PAQR3: variants seen among roughly 807,000 people sequenced by gnomAD.
PAQR3 encodes the protein progestin and adipoQ receptor family member 3, also known as Raf kinase trapping to Golgi.
In PAQR3, 39 loss-of-function variants were observed where a neutral mutation model predicts 41.7. The ratio of observed to expected loss-of-function variants is 0.93; its 90% confidence interval spans 0.72 to 1.22. PAQR3 has a LOEUF of 1.22. PAQR3 is among the 50% of genes most tolerant of loss of function. The pLI, the probability that PAQR3 is intolerant of heterozygous loss-of-function variation, is 0.00. For missense variants in PAQR3, 366 were observed against 385.6 expected (o/e 0.95, Z 0.42); for synonymous variants, 140 against 140.6 (o/e 1.00, Z 0.03).
intron 11 of PAQR3, among the ~76,000 whole-genome samples, chr4:78,899,353 G>A (rs2110091902): frequency 6.6e-6 from 1 of 152,088 alleles, no homozygotes; most frequent in East Asian, 1.9e-4. Flanking sequence ...GAGAATATAG[G>A]GTAGGTCAAG....
chr4:78,916,194 A>AT lies in PAQR3; in HGVS notation c.*4344dup, dbSNP rs1333506441. 1 of 151,718 alleles carries AT rather than the reference A, an allele frequency of 6.6e-6. No homozygotes were observed. Among genetic ancestry groups the AT allele is most frequent in the East Asian group, 1.9e-4 (1 of 5,186 alleles). 9.4% of individuals were successfully genotyped at this position (151,718 alleles called of 1,614,324 possible). Reference sequence around the variant, plus strand: ...GCCATATCTAATTAAGCACTAACTGATTTTATTACTTTATTGCCTTTACAC... The same window carrying AT: ...GCCATATCTAATTAAGCACTAACTGATTTTTATTACTTTATTGCCTTTACAC... On this transcript the variant is annotated 3_prime_UTR_variant, in exon 6 of 6. Transcript: ENST00000512733.
intron 11 of PAQR3, among the ~76,000 whole-genome samples, chr4:78,893,738 A>C (rs1171468718): frequency 2.0e-5 from 3 of 152,192 alleles, no homozygotes; most frequent in African/African-American, 7.2e-5. Flanking sequence ...AATTCTTTAA[A>C]GTTTTCCTTA....
chr4:78,899,935 T>C (rs1733906432), intron 11 of PAQR3, among the ~76,000 whole-genome samples: 2 of 152,158 alleles, frequency 1.3e-5, no homozygotes, highest in African/African-American at 2.4e-5. Flanking sequence ...ATTTAGATTT[T>C]ATATGGGCAA....
chr4:78,931,544 C>T (rs1295795102), intron 2 of PAQR3, among the ~76,000 whole-genome samples: 2 of 152,168 alleles, frequency 1.3e-5, no homozygotes, highest in African/African-American at 4.8e-5. Flanking sequence ...TATTAAGTAC[C>T]TGCTGTATGT....
chr4:78,927,318 C>T (rs930764263), intron 3 of PAQR3, among the ~76,000 whole-genome samples: 2 of 152,300 alleles, frequency 1.3e-5, no homozygotes, highest in South Asian at 4.1e-4. Context: ...CACACTGGCA[C>T]TGGAGGAATA....
intron 11 of PAQR3, among the ~76,000 whole-genome samples, chr4:78,891,972 G>C (rs919229366): frequency 6.6e-6 from 1 of 152,160 alleles, no homozygotes; most frequent in Non-Finnish European, 1.5e-5. Context: ...CAACCTAGTT[G>C]ACCATGATTT....
At position 78,918,862 on chromosome 4, in the gene PAQR3, A is replaced by T. The variant is rs1735363508; in HGVS notation, c.*1677T>A. The T allele has an allele frequency of 1.3e-5, 13 of 984,278 alleles. No individual in the cohort carries two copies. The highest frequency in any genetic ancestry group is 1.3e-5 in the Non-Finnish European group (11 of 829,152). The allele number at this position is 984,278 out of a possible 1,614,324, so 61.0% of individuals were successfully genotyped here. Reference sequence around the variant, plus strand: ...ATAAAATCATGTAAGCCAATAAGGGATGTTCTAGGAGAAATATATCCTACT... The same window carrying T: ...ATAAAATCATGTAAGCCAATAAGGGTTGTTCTAGGAGAAATATATCCTACT... On this transcript the variant is annotated 3_prime_UTR_variant, in exon 6 of 6. Transcript: ENST00000512733.
In PAQR3 at chr4:78,926,709, G is replaced by C. The variant is rs1736272637; in HGVS notation, c.514C>G (p.Gln172Glu). The C allele has an allele frequency of 6.2e-7, 1 of 1,613,444 alleles. No homozygotes were observed. Among genetic ancestry groups the C allele is most frequent in the Non-Finnish European group, 8.5e-7 (1 of 1,179,528 alleles). Residue 172 changes from glutamine (Q) to glutamate (E), a missense_variant, in exon 4 of 6, where the codon CAG (glutamine) becomes GAG (glutamate). Transcript: ENST00000512733. Reference sequence around the variant, plus strand: ...GCAAGCACTGTGATCAAGTACACCTGACGCCAGTACTAGAATGAAAGGAAA... The same window carrying C: ...GCAAGCACTGTGATCAAGTACACCTCACGCCAGTACTAGAATGAAAGGAAA... ...YAFYCNNYWR[Q>E]VYLITVLAMI...
intron 5 of PAQR3, chr4:78,923,655 C>A: frequency 1.7e-6 from 1 of 585,190 alleles, no homozygotes; most frequent in South Asian, 2.1e-5. Context: ...GACAACACCA[C>A]CTACTGGACT....
intron 11 of PAQR3, among the ~76,000 whole-genome samples, chr4:78,896,017 C>G (rs1733682649): frequency 6.6e-6 from 1 of 152,168 alleles, no homozygotes; most frequent in Non-Finnish European, 1.5e-5. Context: ...CCTTGGCCTC[C>G]CACAATGCTG....
chr4:78,917,827 C>T lies in PAQR3; in HGVS notation c.*2712G>A. 1.0e-6 allele frequency: 1 copy of T among 985,394 alleles called. No individual in the cohort carries two copies. The highest frequency in any genetic ancestry group is 1.2e-6 in the Non-Finnish European group (1 of 829,684). 61.0% of individuals were successfully genotyped at this position (985,394 alleles called of 1,614,324 possible). ...CAATCTTCAAATCGGATATTCTGTC[C>T]AGGTGGGATGCCATAAGATGTGACA... On this transcript the variant is annotated 3_prime_UTR_variant, in exon 6 of 6. Coordinates refer to ENST00000512733, the MANE Select transcript of PAQR3 (RefSeq NM_001040202.2).
downstream of PAQR3, among the ~76,000 whole-genome samples, chr4:78,908,876 G>T (rs765949068): frequency 1.3e-5 from 2 of 151,664 alleles, no homozygotes; most frequent in African/African-American, 4.8e-5. Context: ...TTTCTATCAC[G>T]CCACTCATTC....
At position 78,933,433 on chromosome 4, in the gene PAQR3, AGGAG is replaced by A. The variant is rs1578036480; in HGVS notation, c.348+1684_348+1687del. Among the ~76,000 whole-genome samples, 3 of 77,850 alleles carry A rather than the reference AGGAG, an allele frequency of 3.9e-5. No homozygotes were observed. In the East Asian group the frequency reaches 1.1e-3, roughly 29 times the overall value. 51.1% of individuals were successfully genotyped at this position (77,850 alleles called of 152,430 possible). On this transcript the variant is annotated intron_variant, in intron 2 of 5. Transcript: ENST00000512733. ...AAAGCACTAAAGCATACAGAAGCAT[AGGAG>A]TGAGAAAAATGTTATGTCTTTTAAT...
rs1735138236 is a variant in PAQR3, at chr4:78,916,917, G to A, written c.*3622C>T. ...AAAACTGGAGTCTTTGGTAGCCTGT[G>A]GAAAGGTTCATCCTATTTTTATGAA... On this transcript the variant is annotated 3_prime_UTR_variant, in exon 6 of 6. Coordinates refer to ENST00000512733, the MANE Select transcript of PAQR3 (RefSeq NM_001040202.2). The A allele has an allele frequency of 6.6e-6, 1 of 151,612 alleles. No homozygotes were observed. The highest frequency in any genetic ancestry group is 1.5e-5 in the Non-Finnish European group (1 of 67,786). The allele number at this position is 151,612 out of a possible 1,614,324, so 9.4% of individuals were successfully genotyped here. A position where few individuals can be genotyped will look rare whatever the true frequency, so the allele number is the denominator to read the frequency against.
downstream of PAQR3, among the ~76,000 whole-genome samples, chr4:78,909,289 G>A (rs1434128576): frequency 2.0e-5 from 3 of 151,876 alleles, no homozygotes. Flanking sequence ...ACCCGCCTTG[G>A]CCTCCCAAAG....
chr4:78,901,216 T>A (rs1210441101), intron 11 of PAQR3, among the ~76,000 whole-genome samples: 7 of 150,818 alleles, frequency 4.6e-5, no homozygotes, highest in Admixed American at 2.6e-4. Flanking sequence ...GCTACTTTTT[T>A]ATTTTATTTT....
At chr4:78,894,740 G>A (rs1004325170) in intron 11 of PAQR3, among the ~76,000 whole-genome samples, 5 of 152,254 alleles carry the variant, frequency 3.3e-5, no homozygotes, top group African/African-American at 7.2e-5. Flanking sequence ...GCTAACTGGT[G>A]CAAGAGGCCT....
At chr4:78,890,817 C>T (rs1435068251) in intron 11 of PAQR3, among the ~76,000 whole-genome samples, 1 of 152,182 alleles carries the variant, frequency 6.6e-6, no homozygotes, top group Non-Finnish European at 1.5e-5. Context: ...TCCTGGAGCT[C>T]TTCTCATCCT....
chr4:78,926,171 C>T (rs950581723), intron 4 of PAQR3, among the ~76,000 whole-genome samples: 15 of 152,120 alleles, frequency 9.9e-5, no homozygotes, highest in African/African-American at 2.2e-4. Context: ...TCTATACTTG[C>T]GTTATCATTG....
Sources: allele counts gnomAD v4.1 joint callset (sites outside exome capture counted in the v4.1 genomes callset), GRCh38; gene constraint gnomAD v4.1.1; transcripts MANE v1.5; gene names NCBI Gene and HGNC (gene_info 2026-07-23, HGNC 2026-07-21).